Variants in CDH8 observed in about 807,000 individuals in gnomAD.
CDH8 encodes the protein cadherin 8, also known as cadherin-8.
CDH8 carries 17 observed loss-of-function variants against 68.1 expected under a neutral mutation model. The observed-to-expected ratio is 0.25, with a 90% CI of 0.17 to 0.37. CDH8 has a LOEUF of 0.37. CDH8 is among the 10% of genes least tolerant of loss of function. The pLI is 1.00. For missense variants in CDH8, 763 were observed against 999.3 expected (o/e 0.76, Z 3.19); for synonymous variants, 372 against 365.1 (o/e 1.02, Z -0.21).
intron 2 of CDH8, among the ~76,000 whole-genome samples, chr16:61,995,041 C>T (rs1965786502): frequency 6.6e-6 from 1 of 152,138 alleles, no homozygotes; most frequent in Admixed American, 6.6e-5. Flanking sequence ...AAATTGCAAA[C>T]AGGTGATTAC....
chr16:61,876,187 T>G (rs1478450402), intron 3 of CDH8, among the ~76,000 whole-genome samples: 2 of 152,176 alleles, frequency 1.3e-5, no homozygotes, highest in South Asian at 2.1e-4. Flanking sequence ...GTTTTCTTTC[T>G]TTAGGATGGT....
intron 7 of CDH8, among the ~76,000 whole-genome samples, chr16:61,816,711 C>A (rs550679941): frequency 1.6e-4 from 24 of 152,036 alleles, no homozygotes; most frequent in African/African-American, 4.6e-4. Context: ...AGCTGGAGAA[C>A]CTGTACTGTC....
chr16:61,662,057 C>CTT (rs369076807), intron 10 of CDH8, among the ~76,000 whole-genome samples: 4 of 98,532 alleles, frequency 4.1e-5, no homozygotes, highest in African/African-American at 1.1e-4. Flanking sequence ...TACATGCACT[C>CTT]TTTTTTTTTT....
At chr16:61,660,076 A>T (rs1963525805) in intron 10 of CDH8, among the ~76,000 whole-genome samples, 1 of 152,178 alleles carries the variant, frequency 6.6e-6, no homozygotes, top group Non-Finnish European at 1.5e-5. Flanking sequence ...AGATTCCCTG[A>T]AGTGAAACAT....
chr16:61,842,616 C>A (rs1213603867), intron 4 of CDH8, among the ~76,000 whole-genome samples: 1 of 152,116 alleles, frequency 6.6e-6, no homozygotes, highest in Non-Finnish European at 1.5e-5. Flanking sequence ...CAAACATATA[C>A]AAATAGTGAC....
chr16:61,905,623 A>G (rs1964048329), intron 2 of CDH8, among the ~76,000 whole-genome samples: 1 of 152,208 alleles, frequency 6.6e-6, no homozygotes, highest in Non-Finnish European at 1.5e-5. Flanking sequence ...TGCAAGTAGC[A>G]AACTTAATGG....
chr16:61,814,290 T>A (rs1962023952), intron 7 of CDH8, among the ~76,000 whole-genome samples: 1 of 152,184 alleles, frequency 6.6e-6, no homozygotes, highest in South Asian at 2.1e-4. Context: ...CAACTTTATT[T>A]TACATTAGTG....
chr16:61,874,666 C>T (rs115001726), intron 3 of CDH8, among the ~76,000 whole-genome samples: 1 of 152,270 alleles, frequency 6.6e-6, no homozygotes, highest in African/African-American at 2.4e-5. Context: ...TCAGTAAATA[C>T]TTTCAAATAT....
intron 2 of CDH8, among the ~76,000 whole-genome samples, chr16:61,969,343 A>C (rs1355843033): frequency 1.3e-5 from 2 of 152,348 alleles, no homozygotes; most frequent in Non-Finnish European, 2.9e-5. Flanking sequence ...GAACGGATTC[A>C]GTGTAGATTG....
chr16:61,694,865 T>G (rs1224796629), intron 10 of CDH8, among the ~76,000 whole-genome samples: 2 of 151,928 alleles, frequency 1.3e-5, no homozygotes, highest in Non-Finnish European at 2.9e-5. Context: ...CACTGCAACC[T>G]CCACCTCCTG....
At position 61,962,316 on chromosome 16, in the gene CDH8, C is replaced by T. The variant is rs77951164; in HGVS notation, c.252+58836G>A. On this transcript the variant is annotated intron_variant, in intron 2 of 11. Coordinates refer to ENST00000577390, the MANE Select transcript of CDH8 (RefSeq NM_001796.5). ...CCATGCAAGTGAGCATAGCATTGAA[C>T]CCTCAGATGAGGTACAGCAGGCATG... Among the ~76,000 whole-genome samples the T allele has an allele frequency of 2.0e-5, 3 of 152,244 alleles. No homozygotes were observed. The East Asian group carries it at 5.8e-4, about 29-fold the overall frequency.
At chr16:61,827,356 T>G (rs1339032722) in intron 4 of CDH8, among the ~76,000 whole-genome samples, 1 of 151,886 alleles carries the variant, frequency 6.6e-6, no homozygotes, top group African/African-American at 2.4e-5. Context: ...AATGTTGTTC[T>G]CCAAGGAAGG....
intron 10 of CDH8, among the ~76,000 whole-genome samples, chr16:61,703,625 G>A (rs1325174986): frequency 3.3e-5 from 5 of 152,156 alleles, no homozygotes; most frequent in Non-Finnish European, 5.9e-5. Context: ...TGGATCACGA[G>A]GTCAGGAGAT....
chr16:61,898,039 C>A (rs2143242003), intron 3 of CDH8, among the ~76,000 whole-genome samples: 1 of 152,232 alleles, frequency 6.6e-6, no homozygotes, highest in East Asian at 1.9e-4. Flanking sequence ...CGGTGGTTCA[C>A]AACTGTAATC....
At chr16:61,693,485 T>C (rs1047953969) in intron 10 of CDH8, 28 of 152,134 alleles carry the variant, frequency 1.8e-4, no homozygotes, top group Non-Finnish European at 4.1e-4. Flanking sequence ...CAGGAAAAGA[T>C]AAAATCAAAG....
intron 3 of CDH8, among the ~76,000 whole-genome samples, chr16:61,873,800 A>T (rs1225927936): frequency 6.6e-6 from 1 of 152,176 alleles, no homozygotes; most frequent in Non-Finnish European, 1.5e-5. Flanking sequence ...TCACGCCTGT[A>T]ATCCCAGCAC....
chr16:61,730,191 A>G (rs1395892186), intron 8 of CDH8, among the ~76,000 whole-genome samples: 5 of 151,536 alleles, frequency 3.3e-5, no homozygotes, highest in African/African-American at 1.2e-4. Context: ...AAACTCAGGC[A>G]TAAAGAATGA....
At chr16:61,901,896 G>T (rs1349580466) in intron 2 of CDH8, among the ~76,000 whole-genome samples, 1 of 151,996 alleles carries the variant, frequency 6.6e-6, no homozygotes, top group South Asian at 2.1e-4. Flanking sequence ...AAAAAACTGG[G>T]TTAAGAATAT....
At chr16:61,975,639 T>G (rs1045238839) in intron 2 of CDH8, among the ~76,000 whole-genome samples, 1 of 152,224 alleles carries the variant, frequency 6.6e-6, no homozygotes, top group African/African-American at 2.4e-5. Context: ...TAAAAACATT[T>G]TCATTGTAGT....
Sources: allele counts gnomAD v4.1 joint callset (sites outside exome capture counted in the v4.1 genomes callset), GRCh38; gene constraint gnomAD v4.1.1; transcripts MANE v1.5; gene names NCBI Gene and HGNC (gene_info 2026-07-23, HGNC 2026-07-21).